The following SLC26A4 variants were observed in gnomAD, a reference collection of about 807,000 sequenced individuals.
The protein encoded by SLC26A4 is solute carrier family 26 member 4, also known as pendrin.
In SLC26A4, 93 loss-of-function variants were observed where a neutral mutation model predicts 90.4. The ratio of observed to expected loss-of-function variants is 1.03; its 90% confidence interval spans 0.87 to 1.22. SLC26A4 has a LOEUF of 1.22. Ranked by LOEUF, SLC26A4 falls within the 50% of genes most tolerant of loss-of-function variation. The probability of loss-of-function intolerance (pLI) is 0.00; values close to 1 mark genes in which losing one functional copy is unlikely to be tolerated. For synonymous variants in SLC26A4, 393 were observed against 354.6 expected (o/e 1.11, Z -1.22); for missense variants, 1,127 against 946.2 (o/e 1.19, Z -2.51).
chr7:107,693,315 G>A (rs751763668), intron 10 of SLC26A4: 1 of 985,386 alleles, frequency 1.0e-6, no homozygotes, highest in Non-Finnish European at 1.2e-6. Flanking sequence ...ACGCTTTTTA[G>A]TACCTCATAC....
intron 18 of SLC26A4, among the ~76,000 whole-genome samples, chr7:107,707,263 T>C (rs1223627980): frequency 6.6e-6 from 1 of 152,190 alleles, no homozygotes; most frequent in African/African-American, 2.4e-5. Flanking sequence ...AAAAAAGCCA[T>C]AAAACCTGTA....
chr7:107,686,441 C>CTTTCTTTCCTTCTT (rs1791419730), intron 8 of SLC26A4, among the ~76,000 whole-genome samples: 1 of 116,726 alleles, frequency 8.6e-6, no homozygotes, highest in Non-Finnish European at 1.7e-5. Context: ...TTCTTTCTTT[C>CTTTCTTTCCTTCTT]TTTCTTTCTT....
In SLC26A4 at chr7:107,694,456, G is replaced by C; in HGVS notation, c.1317G>C (p.Gly439=). ...TGATGATCGCCATTCTTGCCCTGGG[G>C]AAGCTTCTGGAACCCTTGCAGAAGG... ...AIVMIAILAL[G]KLLEPLQKSV... Residue 439 remains glycine, a synonymous_variant, in exon 11 of 21, where the codon GGG becomes GGC. Coordinates refer to ENST00000644269, the MANE Select transcript of SLC26A4 (RefSeq NM_000441.2). 6.2e-7 allele frequency: 1 copy of C among 1,613,644 alleles called. No homozygotes were observed. Among genetic ancestry groups the C allele is most frequent in the Non-Finnish European group, 8.5e-7 (1 of 1,179,660 alleles).
chr7:107,700,320 C>A (rs1791854071), intron 15 of SLC26A4, 145 bp downstream of exon 15: 1 of 628,992 alleles, frequency 1.6e-6, no homozygotes, highest in South Asian at 1.8e-5. Context: ...ATATAACATC[C>A]TTGCCTTCAA....
chr7:107,669,167 G>A (rs117229467), intron 3 of SLC26A4, among the ~76,000 whole-genome samples: 3,839 of 151,982 alleles, frequency 0.025, 77 homozygotes, highest in Non-Finnish European at 0.035. Flanking sequence ...CATGTTGGCC[G>A]GGCTGGTCTT....
chr7:107,678,823 G>A (rs1791095811), intron 6 of SLC26A4, among the ~76,000 whole-genome samples: 2 of 151,950 alleles, frequency 1.3e-5, no homozygotes, highest in Non-Finnish European at 2.9e-5. Context: ...TTTTGCTTAT[G>A]ACATTACCAT....
chr7:107,691,164 C>T (rs374742148), intron 10 of SLC26A4, among the ~76,000 whole-genome samples: 2 of 148,758 alleles, frequency 1.3e-5, no homozygotes, highest in East Asian at 2.1e-4. Context: ...CATGCACAGT[C>T]TTCACAGTCT....
chr7:107,688,895 G>A (rs1791488761), intron 8 of SLC26A4, among the ~76,000 whole-genome samples, 158 bp from the exon 9 acceptor site: 1 of 152,192 alleles, frequency 6.6e-6, no homozygotes, highest in Non-Finnish European at 1.5e-5. Context: ...CATTATAAAA[G>A]CTGCTACTAT....
chr7:107,711,768 C>A (rs1792196631), intron 19 of SLC26A4, among the ~76,000 whole-genome samples: 1 of 152,172 alleles, frequency 6.6e-6, no homozygotes, highest in Non-Finnish European at 1.5e-5. Context: ...CATCACAGGA[C>A]TATCTCAGGA....
chr7:107,703,436 A>G (rs185993290), intron 17 of SLC26A4, among the ~76,000 whole-genome samples: 19 of 152,328 alleles, frequency 1.2e-4, no homozygotes, highest in African/African-American at 4.3e-4. Context: ...GTGCTTGGCA[A>G]AAGAGTATGA....
chr7:107,714,470 A>G (rs1792285970), intron 20 of SLC26A4, among the ~76,000 whole-genome samples: 1 of 152,200 alleles, frequency 6.6e-6, no homozygotes, highest in South Asian at 2.1e-4. Context: ...CCACCAGCTT[A>G]GTGAGCCCAG....
Position 107,661,703 on chromosome 7 carries a change from T to G in SLC26A4, c.62T>G (p.Met21Arg). The change falls in exon 2 of 21, where the codon ATG becomes AGG. Residue 21 changes from methionine to arginine, a missense_variant. By Grantham distance (91) the Met-to-Arg change is moderately conservative. Transcript: ENST00000644269. The surrounding 1 kb of genome is among the most constrained non-coding windows in gnomAD (Gnocchi z 5.1). ...CTCCCCGAGTACAGCTGCAGCTACA[T>G]GGTGTCGCGGCCGGTCTACAGCGAG... ...PQLPEYSCSY[M>R]VSRPVYSELA... 6.4e-7 allele frequency: 1 copy of G among 1,570,772 alleles called. No individual in the cohort carries two copies. The highest frequency in any genetic ancestry group is 8.6e-7 in the Non-Finnish European group (1 of 1,162,008).
intron 3 of SLC26A4, among the ~76,000 whole-genome samples, chr7:107,667,817 T>A (rs1790759426): frequency 6.6e-6 from 1 of 152,178 alleles, no homozygotes. Context: ...TCTTCCATTT[T>A]CAAAGGAAGA....
chr7:107,692,251 T>G (rs1405912478), intron 10 of SLC26A4, among the ~76,000 whole-genome samples: 1 of 152,212 alleles, frequency 6.6e-6, no homozygotes, highest in Non-Finnish European at 1.5e-5. Flanking sequence ...CATGTTTAAT[T>G]ATTGAAATGT....
chr7:107,698,978 AAAT>A (rs142163209), intron 14 of SLC26A4, among the ~76,000 whole-genome samples: 3 of 152,042 alleles, frequency 2.0e-5, no homozygotes, highest in African/African-American at 7.2e-5. Context: ...CAAATTTAGC[AAAT>A]AATAATAATA....
intron 13 of SLC26A4, among the ~76,000 whole-genome samples, chr7:107,696,266 C>T (rs1791740525): frequency 6.6e-6 from 1 of 152,176 alleles, no homozygotes; most frequent in African/African-American, 2.4e-5. Flanking sequence ...AAGAGAAATT[C>T]AGAAAAGCTA....
Position 107,712,598 on chromosome 7 carries a change from A to G in SLC26A4, c.2295A>G (p.Glu765=). Residue 765 remains glutamate, a synonymous_variant, in exon 20 of 21, where the codon GAA becomes GAG. Transcript: ENST00000644269. ...TLELIETELT[E]EELDVQDEAM... ...AATTAATAGAAACAGAGCTGACGGAAGAAGAACTTGATGTCCAGGATGAGG... is the reference window on the plus strand; with the variant it reads ...AATTAATAGAAACAGAGCTGACGGAGGAAGAACTTGATGTCCAGGATGAGG... 1 of 1,580,078 alleles carries G rather than the reference A, an allele frequency of 6.3e-7. No individual in the cohort carries two copies. Among genetic ancestry groups the G allele is most frequent in the South Asian group, 1.1e-5 (1 of 90,396 alleles).
At chr7:107,669,274 T>C (rs777390948) in intron 3 of SLC26A4, among the ~76,000 whole-genome samples, 3 of 152,174 alleles carry the variant, frequency 2.0e-5, no homozygotes, top group Non-Finnish European at 4.4e-5. Context: ...TCTTTACAAA[T>C]TGTGTAATTT....
chr7:107,717,538 A>G lies in SLC26A4; in HGVS notation c.*2092A>G, dbSNP rs974459236. The G allele has an allele frequency of 2.6e-5, 4 of 152,772 alleles. No homozygotes were observed. The highest frequency in any genetic ancestry group is 6.5e-5 in the Admixed American group (1 of 15,300). The allele number at this position is 152,772 out of a possible 1,614,324, so 9.5% of individuals were successfully genotyped here. Reference sequence around the variant, plus strand: ...AAATTCTGGGTTCATTTGTGATGACATAAGTCAGCAAACTGCGGGAATACT... The same window carrying G: ...AAATTCTGGGTTCATTTGTGATGACGTAAGTCAGCAAACTGCGGGAATACT... On this transcript the variant is annotated 3_prime_UTR_variant, in exon 21 of 21. Coordinates refer to ENST00000644269, the MANE Select transcript of SLC26A4 (RefSeq NM_000441.2).
Sources: allele counts gnomAD v4.1 joint callset (sites outside exome capture counted in the v4.1 genomes callset), GRCh38; gene constraint gnomAD v4.1.1; non-coding constraint Gnocchi (gnomAD v3.1); transcripts MANE v1.5; gene names NCBI Gene and HGNC (gene_info 2026-07-23, HGNC 2026-07-21).